Variants in CHN2 observed in about 807,000 individuals in gnomAD.
CHN2 encodes beta-chimaerin.
Under a neutral mutation model 56.3 loss-of-function variants are expected in CHN2, and 35 were observed. The observed-to-expected ratio is 0.62, with a 90% confidence interval of 0.47 to 0.82. The LOEUF is 0.82. Ranked by LOEUF, CHN2 falls within the 40% of genes least tolerant of loss-of-function variation. The pLI, the probability that CHN2 is intolerant of heterozygous loss-of-function variation, is 0.00. For synonymous variants in CHN2, 210 were observed against 212.8 expected (o/e 0.99, Z 0.12); for missense variants, 491 against 580.5 (o/e 0.85, Z 1.58).
intron 1 of CHN2, among the ~76,000 whole-genome samples, chr7:29,300,817 T>G (rs1363504572): frequency 6.6e-6 from 1 of 152,244 alleles, no homozygotes; most frequent in Non-Finnish European, 1.5e-5. Context: ...CCATTTAAAA[T>G]GTGATTTATT....
At chr7:29,319,589 T>C (rs528367039) in intron 1 of CHN2, among the ~76,000 whole-genome samples, 1 of 152,308 alleles carries the variant, frequency 6.6e-6, no homozygotes, top group East Asian at 1.9e-4. Flanking sequence ...ATATTTGATA[T>C]AAGGTCAAAG....
chr7:29,269,850 G>T (rs886309880), intron 1 of CHN2, among the ~76,000 whole-genome samples: 2 of 152,180 alleles, frequency 1.3e-5, no homozygotes, highest in African/African-American at 4.8e-5. Flanking sequence ...GTTAATGACC[G>T]TGAAACCTTC....
chr7:29,431,728 C>T (rs1782874058), intron 6 of CHN2, among the ~76,000 whole-genome samples: 1 of 152,184 alleles, frequency 6.6e-6, no homozygotes, highest in African/African-American at 2.4e-5. Flanking sequence ...GAACCGAGAC[C>T]ATCTAACACC....
At chr7:29,291,362 G>A (rs1273023870) in intron 1 of CHN2, among the ~76,000 whole-genome samples, 1 of 152,076 alleles carries the variant, frequency 6.6e-6, no homozygotes, top group East Asian at 1.9e-4. Flanking sequence ...TCACCTGATG[G>A]TCTCCTGACA....
At chr7:29,209,121 G>A (rs922733950) in intron 1 of CHN2, among the ~76,000 whole-genome samples, 7 of 146,866 alleles carry the variant, frequency 4.8e-5, no homozygotes, top group Non-Finnish European at 7.4e-5. Flanking sequence ...AGGATTCCCT[G>A]GATGTACTTA....
intron 6 of CHN2, among the ~76,000 whole-genome samples, chr7:29,435,916 T>C (rs1783188234): frequency 6.6e-6 from 1 of 150,856 alleles, no homozygotes; most frequent in Non-Finnish European, 1.5e-5. Flanking sequence ...TTTTCTTTTT[T>C]CATGTTTTGG....
intron 1 of CHN2, among the ~76,000 whole-genome samples, chr7:29,220,283 A>AGAGG (rs1307620459): frequency 1.4e-5 from 2 of 147,740 alleles, no homozygotes; most frequent in Non-Finnish European, 3.0e-5. Context: ...AAAAAAAAAG[A>AGAGG]GAGAGAGAGA....
At chr7:29,152,742 C>T (rs1187134975) in intron 2 of CHN2, among the ~76,000 whole-genome samples, 2 of 152,220 alleles carry the variant, frequency 1.3e-5, no homozygotes, top group East Asian at 1.9e-4. Context: ...GAGTTAACGC[C>T]ATTTTGTCTC....
At chr7:29,253,379 T>A (rs938298544) in intron 1 of CHN2, among the ~76,000 whole-genome samples, 2 of 152,200 alleles carry the variant, frequency 1.3e-5, no homozygotes, top group Non-Finnish European at 2.9e-5. Context: ...GCAAAACTTT[T>A]CCAGAAATCC....
chr7:29,500,090 G>T, intron 9 of CHN2, 50 bp downstream of exon 9: 5 of 1,364,434 alleles, frequency 3.7e-6, no homozygotes, highest in East Asian at 2.6e-5. Flanking sequence ...TATTTTTATT[G>T]TTTGTTTTTA....
intron 6 of CHN2, among the ~76,000 whole-genome samples, chr7:29,463,291 C>T (rs901007061): frequency 6.6e-6 from 1 of 152,094 alleles, no homozygotes; most frequent in Non-Finnish European, 1.5e-5. Flanking sequence ...CCCTTGGCTA[C>T]CAGCTAAACC....
intron 1 of CHN2, among the ~76,000 whole-genome samples, chr7:29,288,433 T>C (rs1792327162): frequency 6.6e-6 from 1 of 152,250 alleles, no homozygotes; most frequent in South Asian, 2.1e-4. Context: ...TCATCTGCGT[T>C]TTGTGATTCC....
At chr7:29,287,836 T>C (rs1419959350) in intron 1 of CHN2, among the ~76,000 whole-genome samples, 1 of 152,218 alleles carries the variant, frequency 6.6e-6, no homozygotes, top group Non-Finnish European at 1.5e-5. Flanking sequence ...TCTTGATTAT[T>C]GTCCAGCAAT....
intron 1 of CHN2, among the ~76,000 whole-genome samples, chr7:29,328,738 A>G (rs916358894): frequency 6.6e-6 from 1 of 152,132 alleles, no homozygotes; most frequent in South Asian, 2.1e-4. Flanking sequence ...TAATTTATAA[A>G]TCGAGTCTCA....
chr7:29,322,280 T>C (rs529586414), intron 1 of CHN2, among the ~76,000 whole-genome samples: 4 of 152,318 alleles, frequency 2.6e-5, no homozygotes, highest in African/African-American at 9.6e-5. Context: ...TGATTATGGT[T>C]GCTTTCAAAT....
intron 6 of CHN2, among the ~76,000 whole-genome samples, chr7:29,437,075 A>T (rs1379501732): frequency 1.3e-5 from 2 of 152,078 alleles, no homozygotes; most frequent in Non-Finnish European, 2.9e-5. Context: ...CAGAGATACT[A>T]TTTCCTGCCA....
chr7:29,152,963 CTCTA>C (rs1251500819), intron 2 of CHN2, among the ~76,000 whole-genome samples: 3 of 152,248 alleles, frequency 2.0e-5, no homozygotes, highest in Non-Finnish European at 4.4e-5. Flanking sequence ...TGGAGTCATC[CTCTA>C]TCTGAGGGGT....
At chr7:29,469,302 G>A (rs146559945) in intron 6 of CHN2, among the ~76,000 whole-genome samples, 25 of 152,296 alleles carry the variant, frequency 1.6e-4, no homozygotes, top group African/African-American at 5.8e-4. Context: ...TTTAGCTGAT[G>A]TTCCTGCATG....
rs781552301 is a variant in CHN2 at position 29,512,743 on chromosome 7, G to T, written c.*8G>T. 6.2e-6 allele frequency: 10 copies of T among 1,613,328 alleles called. No homozygotes were observed. In the East Asian group the frequency reaches 1.3e-4, roughly 22 times the overall value. On this transcript the variant is annotated 3_prime_UTR_variant, in exon 13 of 13. Transcript: ENST00000222792. ...GAAGACGTTTTATTCTAATCCATCA[G>T]GGAAATGAGCTGAATGGCCCCAGCA...
Sources: gnomAD v4.1 joint callset for allele counts (sites outside exome capture counted in the v4.1 genomes callset) on GRCh38, gnomAD v4.1.1 for gene constraint, MANE v1.5 for transcripts, NCBI Gene and HGNC (gene_info 2026-07-23, HGNC 2026-07-21) for gene names.